PARD3B: variants seen among roughly 807,000 people sequenced by gnomAD.
PARD3B encodes partitioning defective 3 homolog B.
In PARD3B, 103 loss-of-function variants were observed where a neutral mutation model predicts 130.2. That is an observed-to-expected ratio of 0.79 (90% CI 0.67 to 0.93). The LOEUF is 0.93. Among genes scored for constraint, PARD3B ranks in the 40% least tolerant of loss-of-function variants. The pLI, the probability that PARD3B is intolerant of heterozygous loss-of-function variation, is 0.00. For missense variants in PARD3B, 1,609 were observed against 1,499.2 expected, an observed-to-expected ratio of 1.07 and a Z score of -1.21; for synonymous variants, 583 against 553.2, an observed-to-expected ratio of 1.05 and a Z score of -0.76.
intron 2 of PARD3B, among the ~76,000 whole-genome samples, chr2:204,865,170 G>A (rs1483310115): frequency 1.3e-5 from 2 of 152,106 alleles, no homozygotes; most frequent in Admixed American, 1.3e-4. Context: ...TACACTGTTG[G>A]GGAAAATGTG....
intron 2 of PARD3B, among the ~76,000 whole-genome samples, chr2:204,770,954 C>T (rs1322476297): frequency 6.6e-6 from 1 of 152,062 alleles, no homozygotes; most frequent in African/African-American, 2.4e-5. Flanking sequence ...TGCAGATTGT[C>T]ATGTTTCTCT....
chr2:204,808,811 A>G (rs1267107069), intron 2 of PARD3B, among the ~76,000 whole-genome samples: 3 of 152,134 alleles, frequency 2.0e-5, no homozygotes, highest in Non-Finnish European at 4.4e-5. Context: ...ATGTGTCTTT[A>G]TGGTAGAATG....
chr2:205,450,466 CT>C (rs869229400), intron 20 of PARD3B, among the ~76,000 whole-genome samples: 1,003 of 78,352 alleles, frequency 0.013, 4 homozygotes, highest in African/African-American at 0.043. Flanking sequence ...AGTGCAGATT[CT>C]TTTTTTTTTT....
At chr2:204,833,384 G>T (rs2043902989) in intron 2 of PARD3B, among the ~76,000 whole-genome samples, 1 of 152,070 alleles carries the variant, frequency 6.6e-6, no homozygotes, top group Non-Finnish European at 1.5e-5. Context: ...TCCCTGTAAA[G>T]ACTCTGCTTC....
intron 3 of PARD3B, among the ~76,000 whole-genome samples, chr2:205,042,255 A>G (rs1432841253): frequency 6.6e-6 from 1 of 152,174 alleles, no homozygotes; most frequent in African/African-American, 2.4e-5. Flanking sequence ...AATAGTGATT[A>G]CTGGAGAATT....
chr2:205,371,744 A>G (rs1271611748), intron 18 of PARD3B, among the ~76,000 whole-genome samples: 4 of 152,196 alleles, frequency 2.6e-5, no homozygotes, highest in Non-Finnish European at 5.9e-5. Flanking sequence ...ATAAAATTCA[A>G]CCGTTTGAAG....
intron 1 of PARD3B, among the ~76,000 whole-genome samples, chr2:204,609,581 G>T (rs1309544576): frequency 6.6e-6 from 1 of 152,184 alleles, no homozygotes; most frequent in Non-Finnish European, 1.5e-5. Context: ...AGGATTCAAA[G>T]CTTTTCTAGT....
intron 18 of PARD3B, among the ~76,000 whole-genome samples, chr2:205,350,494 G>A (rs1038835161): frequency 6.6e-6 from 1 of 151,822 alleles, no homozygotes; most frequent in African/African-American, 2.4e-5. Context: ...GTATAATCTT[G>A]TTCAAATTAT....
intron 2 of PARD3B, among the ~76,000 whole-genome samples, chr2:204,753,960 T>C (rs183575434): frequency 9.4e-4 from 143 of 152,258 alleles, no homozygotes; most frequent in Non-Finnish European, 1.6e-3. Flanking sequence ...CCCTGGAATA[T>C]ATCCAAAGGT....
At chr2:204,904,152 T>C (rs1339927939) in intron 2 of PARD3B, among the ~76,000 whole-genome samples, 1 of 152,238 alleles carries the variant, frequency 6.6e-6, no homozygotes, top group Non-Finnish European at 1.5e-5. Flanking sequence ...TATTACTCTT[T>C]GTTAAACTTT....
chr2:204,756,566 A>G (rs986739660), intron 2 of PARD3B, among the ~76,000 whole-genome samples: 5 of 152,124 alleles, frequency 3.3e-5, no homozygotes, highest in Admixed American at 6.6e-5. Flanking sequence ...TTTAAATGTG[A>G]CGAGTTTTTC....
intron 2 of PARD3B, among the ~76,000 whole-genome samples, chr2:204,699,556 T>C (rs1221544053): frequency 1.3e-5 from 2 of 151,976 alleles, no homozygotes; most frequent in African/African-American, 4.8e-5. Flanking sequence ...TGTAGAAGTG[T>C]TGGGGGTGGG....
At chr2:204,972,516 T>C (rs1406237376) in intron 3 of PARD3B, among the ~76,000 whole-genome samples, 2 of 152,202 alleles carry the variant, frequency 1.3e-5, no homozygotes, top group Non-Finnish European at 2.9e-5. Flanking sequence ...CTTTTGTCTC[T>C]TTAATTTTGT....
Position 205,375,332 on chromosome 2 carries a change from A to G in PARD3B, c.2631-25681A>G, listed in dbSNP as rs181223667. On this transcript the variant is annotated intron_variant, in intron 18 of 22. Coordinates refer to ENST00000406610, the MANE Select transcript of PARD3B (RefSeq NM_001302769.2). ...AGCCATAGAGATGAATACTTCATTT[A>G]TTCATTCGCTCATTCATTCCTTAAG... Among the ~76,000 whole-genome samples the G allele has an allele frequency of 1.0e-3, 153 of 152,348 alleles. 1 individual carries two copies. The highest frequency in any genetic ancestry group is 1.6e-3 in the Non-Finnish European group (110 of 68,040).
At chr2:205,496,085 A>G (rs971428050) in intron 20 of PARD3B, among the ~76,000 whole-genome samples, 7 of 152,186 alleles carry the variant, frequency 4.6e-5, no homozygotes, top group African/African-American at 1.7e-4. Flanking sequence ...AAAAGTATAT[A>G]TAGATATATT....
chr2:205,256,626 A>C (rs2040098272), intron 16 of PARD3B, among the ~76,000 whole-genome samples: 1 of 152,200 alleles, frequency 6.6e-6, no homozygotes, highest in Admixed American at 6.5e-5. Context: ...TTAGGTAACA[A>C]ATAATTTATG....
Position 205,288,696 on chromosome 2 carries a change from C to T in PARD3B, c.2186-11834C>T, listed in dbSNP as rs1388737854. ...AGTCACTCCATCCTCCCGGTGTCCC[C>T]ACCCCCCAGGAGACGTGTTTGGACT... On this transcript the variant is annotated intron_variant, in intron 16 of 22. Coordinates refer to ENST00000406610, the MANE Select transcript of PARD3B (RefSeq NM_001302769.2). This position sits in a 1 kb window ranked among gnomAD's most constrained non-coding sequence, Gnocchi z 4.0. Among the ~76,000 whole-genome samples the T allele has an allele frequency of 6.6e-6, 1 of 152,182 alleles. No individual in the cohort carries two copies. The highest frequency in any genetic ancestry group is 2.4e-5 in the African/African-American group (1 of 41,440).
intron 15 of PARD3B, 42 bp downstream of exon 15, chr2:205,193,362 T>G (rs2036498279): frequency 7.0e-7 from 1 of 1,420,276 alleles, no homozygotes; most frequent in Non-Finnish European, 1.0e-6. Context: ...CTCTCCAGCC[T>G]CAGCCCATTT....
chr2:205,008,688 A>G (rs1559351733), intron 3 of PARD3B, among the ~76,000 whole-genome samples: 1 of 152,218 alleles, frequency 6.6e-6, no homozygotes, highest in Non-Finnish European at 1.5e-5. Flanking sequence ...CAGGGCAAAA[A>G]GTCTTTCTCT....
Sources: gnomAD v4.1 joint callset for allele counts (sites outside exome capture counted in the v4.1 genomes callset) on GRCh38, gnomAD v4.1.1 for gene constraint, Gnocchi (gnomAD v3.1) non-coding constraint, MANE v1.5 for transcripts, NCBI Gene and HGNC (gene_info 2026-07-23, HGNC 2026-07-21) for gene names.